Variants in KCNIP4 observed in about 807,000 individuals in gnomAD.
KCNIP4 encodes the protein Kv channel-interacting protein 4.
A neutral mutation model predicts 34.0 loss-of-function variants in KCNIP4; 12 were observed. That is an observed-to-expected ratio of 0.35 (90% CI 0.23 to 0.57). KCNIP4 has a LOEUF of 0.57. KCNIP4 is among the 20% of genes least tolerant of loss of function. The probability of loss-of-function intolerance (pLI) is 0.83; values close to 1 mark genes in which losing one functional copy is unlikely to be tolerated. For missense variants in KCNIP4, 238 were observed against 311.7 expected (o/e 0.76, Z 1.78); for synonymous variants, 124 against 102.2 (o/e 1.21, Z -1.29).
chr4:21,174,217 T>C (rs1754230858), intron 1 of KCNIP4, among the ~76,000 whole-genome samples: 1 of 152,172 alleles, frequency 6.6e-6, no homozygotes, highest in African/African-American at 2.4e-5. Context: ...CTCTCAGTTT[T>C]CCGGAAAAGG....
In KCNIP4 at chr4:21,738,383, T is replaced by C. The variant is rs538260943; in HGVS notation, c.61+210188A>G. Reference sequence around the variant, plus strand: ...TGGAAGAGGGATTAGAGTAAAGTTCTATATTTAGTTACATGTTCGAAGTAA... The same window carrying C: ...TGGAAGAGGGATTAGAGTAAAGTTCCATATTTAGTTACATGTTCGAAGTAA... On this transcript the variant is annotated intron_variant, in intron 1 of 8. Coordinates refer to ENST00000382152, the MANE Select transcript of KCNIP4 (RefSeq NM_025221.6). Among the ~76,000 whole-genome samples, 9 of 152,270 alleles carry C rather than the reference T, an allele frequency of 5.9e-5. No individual in the cohort carries two copies. The East Asian group carries it at 1.4e-3, about 23-fold the overall frequency.
chr4:20,928,421 A>G (rs1730111613), intron 1 of KCNIP4, among the ~76,000 whole-genome samples: 1 of 152,032 alleles, frequency 6.6e-6, no homozygotes. Flanking sequence ...AAATATTTTG[A>G]AACAAATGAC....
At chr4:21,744,919 G>A (rs547403070) in intron 1 of KCNIP4, among the ~76,000 whole-genome samples, 2 of 152,128 alleles carry the variant, frequency 1.3e-5, no homozygotes, top group South Asian at 2.1e-4. Flanking sequence ...ATTTTGCACC[G>A]ACCTACCGTG....
rs1239800232 is a variant in KCNIP4, at chr4:21,007,601, T to C, written c.62-124892A>G. Among the ~76,000 whole-genome samples the C allele has an allele frequency of 1.8e-3, 278 of 152,242 alleles. 4 individuals are homozygous for C. Among genetic ancestry groups the C allele is most frequent in the Non-Finnish European group, 1.2e-4 (8 of 68,020 alleles). On this transcript the variant is annotated intron_variant, in intron 1 of 8. Coordinates refer to ENST00000382152, the MANE Select transcript of KCNIP4 (RefSeq NM_025221.6). ...GCCTCTGGTAGCCATCTTTTTACTT[T>C]AGAGAAAGTCATTCTGAAAGCAAAG...
At chr4:21,425,064 G>C (rs569947082) in intron 1 of KCNIP4, among the ~76,000 whole-genome samples, 1 of 152,268 alleles carries the variant, frequency 6.6e-6, no homozygotes, top group Non-Finnish European at 1.5e-5. Flanking sequence ...AGGGACATTG[G>C]AGAGGAGAGG....
At chr4:20,926,493 G>A (rs1273935383) in intron 1 of KCNIP4, among the ~76,000 whole-genome samples, 1 of 152,156 alleles carries the variant, frequency 6.6e-6, no homozygotes, top group African/African-American at 2.4e-5. Flanking sequence ...CTAGTACATT[G>A]CAAGACACCT....
At chr4:21,733,855 T>C (rs1457314359) in intron 1 of KCNIP4, among the ~76,000 whole-genome samples, 1 of 152,168 alleles carries the variant, frequency 6.6e-6, no homozygotes, top group African/African-American at 2.4e-5. Flanking sequence ...ATTCAGAAAG[T>C]TTAGCCATTC....
intron 1 of KCNIP4, among the ~76,000 whole-genome samples, chr4:21,536,494 C>A (rs869226779): frequency 6.6e-6 from 1 of 152,024 alleles, no homozygotes; most frequent in Non-Finnish European, 1.5e-5. Context: ...ATATGGTTAA[C>A]ACGTCAGGGC....
chr4:21,594,780 A>G (rs940613184), intron 1 of KCNIP4, among the ~76,000 whole-genome samples: 7 of 151,752 alleles, frequency 4.6e-5, no homozygotes, highest in African/African-American at 1.7e-4. Flanking sequence ...AGAACAAACC[A>G]CATTTCTTAA....
intron 1 of KCNIP4, among the ~76,000 whole-genome samples, chr4:21,779,724 A>G (rs1192047394): frequency 6.6e-6 from 1 of 152,048 alleles, no homozygotes. Context: ...GTGACACAGC[A>G]AGATCCCATA....
intron 1 of KCNIP4, among the ~76,000 whole-genome samples, chr4:21,943,191 G>A (rs1730300594): frequency 6.6e-6 from 1 of 152,150 alleles, no homozygotes; most frequent in Non-Finnish European, 1.5e-5. Context: ...TATGTCCAGT[G>A]AATTCTGCCT....
At position 20,778,034 on chromosome 4, in the gene KCNIP4, G is replaced by A. The variant is rs143257381; in HGVS notation, c.289-19144C>T. On this transcript the variant is annotated intron_variant, in intron 3 of 8. Transcript: ENST00000382152. ...AGACAGAGAGGTACAAGGAGAAGCC[G>A]TAGATTATATCAAAGGAACCAAGGA... is the stretch of plus-strand genomic sequence containing the variant. 4.7e-3 allele frequency among the ~76,000 whole-genome samples: 712 copies of A among 152,260 alleles called. 3 individuals are homozygous for A. The highest frequency in any genetic ancestry group is 0.017 in the Middle Eastern group (5 of 294).
intron 1 of KCNIP4, among the ~76,000 whole-genome samples, chr4:21,650,184 A>G (rs1406429278): frequency 6.6e-6 from 1 of 152,228 alleles, no homozygotes; most frequent in Non-Finnish European, 1.5e-5. Context: ...GAAAAGGAGC[A>G]TGAAATTTTG....
intron 1 of KCNIP4, among the ~76,000 whole-genome samples, chr4:21,698,148 C>T (rs1241343216): frequency 6.6e-6 from 1 of 152,170 alleles, no homozygotes; most frequent in Non-Finnish European, 1.5e-5. Context: ...GGGGACAATG[C>T]TATTTTGTCA....
chr4:20,943,171 A>C (rs1214703475), intron 1 of KCNIP4, among the ~76,000 whole-genome samples: 4 of 152,162 alleles, frequency 2.6e-5, no homozygotes, highest in African/African-American at 9.7e-5. Context: ...TTATTACTAC[A>C]TATCTTTAAA....
chr4:21,023,012 A>G lies in KCNIP4; in HGVS notation c.62-140303T>C, dbSNP rs559115404. On this transcript the variant is annotated intron_variant, in intron 1 of 8. Transcript: ENST00000382152. ...TAATTTTTGTATTTTTAGTAGAGACAGGGTTTCACCATGTTGGTCAGGCTG... is the reference window on the plus strand; with the variant it reads ...TAATTTTTGTATTTTTAGTAGAGACGGGGTTTCACCATGTTGGTCAGGCTG... 1.9e-3 allele frequency among the ~76,000 whole-genome samples: 287 copies of G among 152,050 alleles called. 6 individuals carry two copies. In the South Asian group the frequency reaches 0.053, roughly 28 times the overall value.
At chr4:21,279,514 TAC>T (rs1042458727) in intron 1 of KCNIP4, among the ~76,000 whole-genome samples, 9 of 140,092 alleles carry the variant, frequency 6.4e-5, no homozygotes, top group Middle Eastern at 3.8e-3. Context: ...TACATACATA[TAC>T]ACACACACAC....
At chr4:21,427,013 A>G (rs1725988492) in intron 1 of KCNIP4, among the ~76,000 whole-genome samples, 1 of 151,810 alleles carries the variant, frequency 6.6e-6, no homozygotes, top group Non-Finnish European at 1.5e-5. Flanking sequence ...ACCCCAACTC[A>G]GTCTCAGGGC....
intron 4 of KCNIP4, among the ~76,000 whole-genome samples, chr4:20,751,608 ACAAT>A (rs1465771200): frequency 6.6e-6 from 1 of 152,174 alleles, no homozygotes; most frequent in Non-Finnish European, 1.5e-5. Flanking sequence ...CCCTGTTTTC[ACAAT>A]CAGAGTAAAT....
Sources: allele counts gnomAD v4.1 joint callset (sites outside exome capture counted in the v4.1 genomes callset), GRCh38; gene constraint gnomAD v4.1.1; transcripts MANE v1.5; gene names NCBI Gene and HGNC (gene_info 2026-07-23, HGNC 2026-07-21).